Variants in CFAP20DC observed in about 807,000 individuals in gnomAD.
CFAP20DC encodes protein CFAP20DC.
Under a neutral mutation model 101.7 loss-of-function variants are expected in CFAP20DC, and 84 were observed. That is an observed-to-expected ratio of 0.83 (90% confidence interval 0.69 to 0.99). CFAP20DC has a LOEUF of 0.99. CFAP20DC is among the 50% of genes least tolerant of loss of function. The probability of loss-of-function intolerance (pLI) is 0.00; values close to 1 mark genes in which losing one functional copy is unlikely to be tolerated. For synonymous variants in CFAP20DC, 359 were observed against 351.2 expected (o/e 1.02, Z -0.25); for missense variants, 1,007 against 970.3 (o/e 1.04, Z -0.50).
rs1244083018 is a variant in CFAP20DC at position 58,821,132 on chromosome 3, T to C, written c.2175+10554A>G. Among the ~76,000 whole-genome samples, 134 of 151,536 alleles carry C rather than the reference T, an allele frequency of 8.8e-4. 2 individuals carry two copies. The highest frequency in any genetic ancestry group is 3.0e-3 in the Admixed American group (45 of 15,206). ...CTGGATCCCTTCCTTACACCTTATA[T>C]AAAAATCAATTCAAGATGGATTAAA... On this transcript the variant is annotated intron_variant, in intron 14 of 16. Transcript: ENST00000482387.
intron 6 of CFAP20DC, among the ~76,000 whole-genome samples, chr3:58,886,278 A>G (rs1283127518): frequency 6.6e-6 from 1 of 152,206 alleles, no homozygotes. Context: ...TGTTAAGTAC[A>G]TAACAGTGTT....
intron 7 of CFAP20DC, among the ~76,000 whole-genome samples, chr3:58,877,307 A>G (rs1331862962): frequency 2.0e-5 from 3 of 152,232 alleles, no homozygotes; most frequent in African/African-American, 7.2e-5. Flanking sequence ...TCTGACGGGC[A>G]GACAGATGTT....
At position 58,860,510 on chromosome 3, in the gene CFAP20DC, C is replaced by T. The variant is rs181390088; in HGVS notation, c.1593+3048G>A. On this transcript the variant is annotated intron_variant, in intron 12 of 16. Transcript: ENST00000482387. ...ATTCATGTCCAAATATGAATAAATT[C>T]GGGGGTCCAAATGTTCCAATTTGGA... Among the ~76,000 whole-genome samples the T allele has an allele frequency of 1.9e-3, 291 of 152,194 alleles. 6 individuals carry two copies. Among genetic ancestry groups the T allele is most frequent in the South Asian group, 1.5e-3 (7 of 4,822 alleles).
chr3:58,941,210 T>G (rs2088515526), intron 4 of CFAP20DC, among the ~76,000 whole-genome samples: 1 of 150,426 alleles, frequency 6.6e-6, no homozygotes, highest in South Asian at 2.1e-4. Context: ...ATGCCTATAA[T>G]CCCAGCTACT....
intron 5 of CFAP20DC, among the ~76,000 whole-genome samples, chr3:58,933,286 C>T (rs2086989236): frequency 6.6e-6 from 1 of 151,712 alleles, no homozygotes; most frequent in South Asian, 2.1e-4. Flanking sequence ...TCCTGAGTGA[C>T]CTACAAAGAG....
chr3:58,863,986 C>A lies in CFAP20DC; in HGVS notation c.1259-94G>T. The A allele has an allele frequency of 8.1e-7, 1 of 1,237,018 alleles. No individual in the cohort carries two copies. Among genetic ancestry groups the A allele is most frequent in the Non-Finnish European group, 1.1e-6 (1 of 921,476 alleles). 76.6% of individuals were successfully genotyped at this position (1,237,018 alleles called of 1,614,324 possible). On this transcript the variant is annotated intron_variant, in intron 11 of 16. Transcript: ENST00000482387. The surrounding 1 kb of genome is among the most constrained non-coding windows in gnomAD (Gnocchi z 5.9). ...TTTTAGTTTTAGTTTTTGAGACAGT[C>A]TCACTCTGCCGCCTAGGCTGCAGTG...
intron 15 of CFAP20DC, among the ~76,000 whole-genome samples, chr3:58,801,531 A>G (rs1468826923): frequency 1.3e-5 from 2 of 152,326 alleles, no homozygotes; most frequent in Admixed American, 6.5e-5. Context: ...TAATTTTATT[A>G]ATTTATACAT....
At chr3:59,048,960 T>C (rs1278329076) in intron 1 of CFAP20DC, among the ~76,000 whole-genome samples, 1 of 152,186 alleles carries the variant, frequency 6.6e-6, no homozygotes, top group Admixed American at 6.5e-5. Context: ...AGTGTGATCC[T>C]TGGACCCCCT....
At chr3:58,818,428 A>G (rs1341772682) in intron 14 of CFAP20DC, among the ~76,000 whole-genome samples, 1 of 150,902 alleles carries the variant, frequency 6.6e-6, no homozygotes, top group African/African-American at 2.5e-5. Flanking sequence ...TAGGCTCAAA[A>G]TAAAAGGATG....
chr3:58,865,035 TTTC>T, intron 11 of CFAP20DC, among the ~76,000 whole-genome samples: 1 of 152,050 alleles, frequency 6.6e-6, no homozygotes, highest in Non-Finnish European at 1.5e-5. Context: ...GAAAGCATGC[TTTC>T]TTCTTTAGAA....
At chr3:58,793,286 T>C (rs1342980591) in intron 15 of CFAP20DC, among the ~76,000 whole-genome samples, 1 of 152,158 alleles carries the variant, frequency 6.6e-6, no homozygotes, top group African/African-American at 2.4e-5. Context: ...GATTCATTCC[T>C]TTCCTAATAC....
intron 4 of CFAP20DC, among the ~76,000 whole-genome samples, chr3:58,978,253 A>T (rs138938817): frequency 6.6e-6 from 1 of 152,088 alleles, no homozygotes; most frequent in East Asian, 1.9e-4. Flanking sequence ...TTATAATAGC[A>T]TCCTATCCCT....
chr3:58,983,749 A>G (rs1011310595), intron 4 of CFAP20DC, among the ~76,000 whole-genome samples: 3 of 152,180 alleles, frequency 2.0e-5, no homozygotes, highest in Non-Finnish European at 2.9e-5. Flanking sequence ...AAAATGCTTT[A>G]TGGATGTTGT....
chr3:59,013,360 C>T (rs2093627255), intron 4 of CFAP20DC, among the ~76,000 whole-genome samples: 2 of 152,154 alleles, frequency 1.3e-5, no homozygotes, highest in Admixed American at 1.3e-4. Flanking sequence ...ACACATGCTA[C>T]TGAACACTCT....
chr3:58,742,481 C>T lies in CFAP20DC; in HGVS notation c.2424G>A (p.Gly808=), dbSNP rs1329030700. The change falls in exon 17 of 17, where the codon GGG becomes GGA. Residue 808 remains glycine, a synonymous_variant. Transcript: ENST00000482387. ...GGCATTATACCAACTCATAGTATTT[C>T]CCTGTTTGGGGGTCAAAGTAACAGT... ...CLNCYFDPQT[G]KYYELV 1.9e-6 allele frequency: 3 copies of T among 1,606,112 alleles called. No homozygotes were observed. In the Admixed American group the frequency reaches 5.1e-5, roughly 27 times the overall value.
In CFAP20DC at chr3:59,002,639, T is replaced by G. The variant is rs544534207; in HGVS notation, c.278+36918A>C. Among the ~76,000 whole-genome samples, 77 of 152,320 alleles carry G rather than the reference T, an allele frequency of 5.1e-4. 1 individual carries two copies. Among genetic ancestry groups the G allele is most frequent in the African/African-American group, 1.8e-3 (76 of 41,578 alleles). ...TCAACCACAAATCTGATCTGATATG[T>G]CTGGTGTTATCTCCAAGTGCAGCAA... On this transcript the variant is annotated intron_variant, in intron 4 of 16. Transcript: ENST00000482387. This position sits in a 1 kb window ranked among gnomAD's most constrained non-coding sequence, Gnocchi z 4.5.
At chr3:58,727,619 A>T (rs1199284457) in intron 3 of CFAP20DC, 1 of 152,100 alleles carries the variant, frequency 6.6e-6, no homozygotes, top group Admixed American at 6.6e-5. Context: ...GTATTTTTTC[A>T]GTAGAGACGG....
intron 3 of CFAP20DC, among the ~76,000 whole-genome samples, chr3:58,734,836 C>T (rs965404804): frequency 1.3e-5 from 2 of 152,160 alleles, no homozygotes; most frequent in Admixed American, 6.5e-5. Context: ...ACAGACTTTA[C>T]AAAAGGCTTA....
chr3:59,027,721 G>T (rs1469741422), intron 4 of CFAP20DC, among the ~76,000 whole-genome samples: 1 of 152,164 alleles, frequency 6.6e-6, no homozygotes, highest in Non-Finnish European at 1.5e-5. Context: ...ATTTCAAGAT[G>T]CAGTTGCTTC....
Sources: allele counts gnomAD v4.1 joint callset (sites outside exome capture counted in the v4.1 genomes callset), GRCh38; gene constraint gnomAD v4.1.1; non-coding constraint Gnocchi (gnomAD v3.1); transcripts MANE v1.5; gene names NCBI Gene and HGNC (gene_info 2026-07-23, HGNC 2026-07-21).